The following PKHD1 variants were observed in gnomAD, a reference collection of about 807,000 sequenced individuals.
PKHD1 encodes the protein fibrocystin.
In PKHD1, 291 loss-of-function variants were observed where a neutral mutation model predicts 412.0. That is an observed-to-expected ratio of 0.71 (90% CI 0.64 to 0.78). PKHD1 has a LOEUF of 0.78. PKHD1 is among the 30% of genes least tolerant of loss of function. PKHD1 has a pLI of 0.00. For synonymous variants in PKHD1, 1,777 were observed against 1,821.5 expected, an observed-to-expected ratio of 0.98 and a Z score of 0.62; for missense variants, 4,825 against 4,950.7, an observed-to-expected ratio of 0.97 and a Z score of 0.76.
chr6:51,935,719 C>T (rs1787366933), intron 36 of PKHD1, among the ~76,000 whole-genome samples: 2 of 152,236 alleles, frequency 1.3e-5, no homozygotes, highest in Admixed American at 6.5e-5. Context: ...ACATATGCTA[C>T]AAACATATTG....
intron 60 of PKHD1, chr6:51,720,920 GA>G (rs781187888): frequency 3.1e-5 from 28 of 911,492 alleles, no homozygotes; most frequent in Non-Finnish European, 3.7e-5. Context: ...ATCTGTTGAA[GA>G]AATGAGTTAA....
intron 55 of PKHD1, among the ~76,000 whole-genome samples, chr6:51,763,356 T>C (rs1056179984): frequency 2.6e-5 from 4 of 152,142 alleles, no homozygotes; most frequent in Non-Finnish European, 5.9e-5. Flanking sequence ...AGCTAGTTAA[T>C]GACTATGGAT....
intron 52 of PKHD1, among the ~76,000 whole-genome samples, chr6:51,830,548 A>T (rs183201330): frequency 1.2e-4 from 18 of 152,296 alleles, no homozygotes; most frequent in Admixed American, 2.0e-4. Context: ...ACTTAAGGAT[A>T]CTAGAACCTG....
intron 32 of PKHD1, 21 bp from the exon 33 acceptor site, chr6:52,022,965 G>T: frequency 6.2e-7 from 1 of 1,613,868 alleles, no homozygotes; most frequent in Non-Finnish European, 8.5e-7. Flanking sequence ...AAAGGTACAA[G>T]TTCTTGATCA....
chr6:51,772,979 A>T (rs1410904351), intron 54 of PKHD1, among the ~76,000 whole-genome samples, 190 bp from the exon 55 acceptor site: 1 of 152,052 alleles, frequency 6.6e-6, no homozygotes, highest in Admixed American at 6.6e-5. Flanking sequence ...TCACATGGCT[A>T]TGAAATTTAT....
rs767869432 is a variant in PKHD1, at chr6:51,959,877, G to A, written c.5901C>T (p.His1967=). The A allele has an allele frequency of 1.1e-5, 17 of 1,612,702 alleles. No individual in the cohort carries two copies. Among genetic ancestry groups the A allele is most frequent in the South Asian group, 6.6e-5 (6 of 91,058 alleles). ...DTNTSILNLL[H]IKGGKLIFMA... is the part of the protein sequence containing the mutation. The stretch of plus-strand genomic sequence containing the variant: ...CCTACAAACTTCACACACCTTTAAT[G>A]TGCAGTAAGTTGAGGATGCTTGTGT... The change falls in exon 36 of 67, where the codon CAC becomes CAT. Residue 1967 remains histidine (H), a synonymous_variant. Transcript: ENST00000371117.
chr6:51,897,695 T>C (rs1244647678), intron 43 of PKHD1, among the ~76,000 whole-genome samples: 55 of 143,680 alleles, frequency 3.8e-4, no homozygotes, highest in East Asian at 1.3e-3. Flanking sequence ...GACTAAATGC[T>C]CCAATTAAAA....
In PKHD1 at chr6:51,748,006, C is replaced by T. The variant is rs1235884236; in HGVS notation, c.9610G>A (p.Val3204Ile). ...KKVQIVLRNSVIVATSSSFDC... is the reference protein window; with the variant it reads ...KKVQIVLRNSIIVATSSSFDC... The stretch of plus-strand genomic sequence containing the variant: ...AAAGAAGAGCTGGTGGCCACAATGA[C>T]TGAATTCCTAAGCACAATCTGCACT... The change falls in exon 58 of 67, where the codon GTC (valine) becomes ATC (isoleucine). Residue 3204 changes from valine (V) to isoleucine (I), a missense_variant. Val to Ile is a conservative substitution (Grantham distance 29, BLOSUM62 3). Transcript: ENST00000371117. 4.3e-6 allele frequency: 7 copies of T among 1,614,008 alleles called. No individual in the cohort carries two copies. In the Admixed American group the frequency reaches 8.3e-5, roughly 19 times the overall value.
At chr6:51,758,013 A>AG (rs1787312708) in intron 55 of PKHD1, among the ~76,000 whole-genome samples, 3 of 99,442 alleles carry the variant, frequency 3.0e-5, no homozygotes, top group Non-Finnish European at 6.4e-5. Context: ...GACCCTGCCA[A>AG]AAGAGAGAGA....
intron 60 of PKHD1, among the ~76,000 whole-genome samples, chr6:51,703,196 A>G (rs1037929905): frequency 6.6e-6 from 1 of 152,048 alleles, no homozygotes; most frequent in South Asian, 2.1e-4. Context: ...TTGTGGTCTT[A>G]GTAATAAAAA....
intron 29 of PKHD1, among the ~76,000 whole-genome samples, chr6:52,031,399 T>C (rs1803012316): frequency 6.6e-6 from 1 of 152,228 alleles, no homozygotes; most frequent in Non-Finnish European, 1.5e-5. Flanking sequence ...CAGGGAGCTG[T>C]TTCTGGCCTC....
chr6:51,974,683 A>G (rs1299343209), intron 35 of PKHD1, among the ~76,000 whole-genome samples: 1 of 152,158 alleles, frequency 6.6e-6, no homozygotes, highest in African/African-American at 2.4e-5. Flanking sequence ...GAACGACACA[A>G]TGGACTTTGA....
At chr6:52,028,480 C>G in intron 29 of PKHD1, 129 bp from the exon 30 acceptor site, 8 of 827,856 alleles carry the variant, frequency 9.7e-6, no homozygotes, top group Non-Finnish European at 1.4e-5. Context: ...TTAAGAGTTA[C>G]GATACCAACC....
At position 51,647,637 on chromosome 6, in the gene PKHD1, G is replaced by A. The variant is rs143231988; in HGVS notation, c.11398+394C>T. ...CCCCATAGAAATCATATTGTACTTG[G>A]TAAATTGCTCCCTGGCCCAGTCCAT... On this transcript the variant is annotated intron_variant, in intron 63 of 66. Coordinates refer to ENST00000371117, the MANE Select transcript of PKHD1 (RefSeq NM_138694.4). 1.4e-3 allele frequency among the ~76,000 whole-genome samples: 216 copies of A among 152,156 alleles called. 1 individual carries two copies. The highest frequency in any genetic ancestry group is 0.014 in the East Asian group (71 of 5,172).
intron 4 of PKHD1, among the ~76,000 whole-genome samples, chr6:52,080,210 A>AT (rs1368726061): frequency 2.0e-5 from 3 of 152,128 alleles, no homozygotes; most frequent in Non-Finnish European, 4.4e-5. Flanking sequence ...AAAAGTTATG[A>AT]TTTTTTGTGT....
rs1040523521 is a variant in PKHD1 at position 52,011,528 on chromosome 6, G to C, written c.5601-1069C>G. On this transcript the variant is annotated intron_variant, in intron 34 of 66. Coordinates refer to ENST00000371117, the MANE Select transcript of PKHD1 (RefSeq NM_138694.4). ...TCCCAGAGCAGTGCTCTCAAGTTTT[G>C]AAATGCTGATTGAACATCAGCCAGG... is the stretch of plus-strand genomic sequence containing the variant. Among the ~76,000 whole-genome samples the C allele has an allele frequency of 3.9e-5, 6 of 152,142 alleles. 1 individual carries two copies. The highest frequency in any genetic ancestry group is 1.4e-4 in the African/African-American group (6 of 41,430).
intron 35 of PKHD1, 32 bp downstream of exon 35, chr6:52,010,277 T>C (rs1013050987): frequency 6.3e-7 from 1 of 1,596,300 alleles, no homozygotes; most frequent in Non-Finnish European, 8.6e-7. Flanking sequence ...TTGAGCTGTT[T>C]GAATCAGTCT....
intron 34 of PKHD1, among the ~76,000 whole-genome samples, chr6:52,015,445 G>A (rs1374780839): frequency 6.6e-6 from 1 of 152,144 alleles, no homozygotes; most frequent in Non-Finnish European, 1.5e-5. Flanking sequence ...CAAAAAGACC[G>A]CTGCCAGTTT....
chr6:51,852,142 C>A (rs116220475), intron 49 of PKHD1, among the ~76,000 whole-genome samples: 90 of 152,246 alleles, frequency 5.9e-4, no homozygotes, highest in African/African-American at 2.1e-3. Flanking sequence ...TTCTTTCTGT[C>A]TTAATTTCAT....
Sources: gnomAD v4.1 joint callset for allele counts (sites outside exome capture counted in the v4.1 genomes callset) on GRCh38, gnomAD v4.1.1 for gene constraint, MANE v1.5 for transcripts, NCBI Gene and HGNC (gene_info 2026-07-23, HGNC 2026-07-21) for gene names.